FMNL2: variants seen among roughly 807,000 people sequenced by gnomAD.
The protein encoded by FMNL2 is formin-like protein 2.
Under a neutral mutation model 130.2 loss-of-function variants are expected in FMNL2, and 51 were observed. The ratio of observed to expected loss-of-function variants is 0.39; its 90% CI spans 0.31 to 0.49. The LOEUF (loss-of-function observed/expected upper bound fraction) is 0.49, where lower values mean the gene tolerates loss of function less well. Ranked by LOEUF, FMNL2 falls within the 20% of genes least tolerant of loss-of-function variation. FMNL2 has a pLI of 0.85. For missense variants in FMNL2, 977 were observed against 1,316.2 expected (o/e 0.74, Z 3.99); for synonymous variants, 465 against 467.1 (o/e 1.00, Z 0.06).
chr2:152,349,472 C>T (rs1478797869), intron 1 of FMNL2, among the ~76,000 whole-genome samples: 1 of 152,220 alleles, frequency 6.6e-6, no homozygotes, highest in African/African-American at 2.4e-5. Context: ...CTTCTTTCTA[C>T]TGCACTACAC....
At chr2:152,504,620 T>C (rs532431226) in intron 1 of FMNL2, among the ~76,000 whole-genome samples, 1 of 152,282 alleles carries the variant, frequency 6.6e-6, no homozygotes, top group African/African-American at 2.4e-5. Flanking sequence ...TTTTAATATA[T>C]TCATGCTCAA....
At chr2:152,624,608 T>TG (rs1483289564) in intron 15 of FMNL2, among the ~76,000 whole-genome samples, 1 of 151,834 alleles carries the variant, frequency 6.6e-6, no homozygotes, top group Non-Finnish European at 1.5e-5. Context: ...GGAGGCCGAG[T>TG]GGGGAAGCTC....
chr2:152,645,640 T>G, intron 25 of FMNL2: 1 of 530,480 alleles, frequency 1.9e-6, no homozygotes, highest in South Asian at 1.9e-5. Context: ...TTTTTGTACC[T>G]CACATTCCAA....
At chr2:152,497,513 A>G (rs1286823865) in intron 1 of FMNL2, among the ~76,000 whole-genome samples, 1 of 152,202 alleles carries the variant, frequency 6.6e-6, no homozygotes, top group Non-Finnish European at 1.5e-5. Flanking sequence ...ATACATGAAA[A>G]GTATGCTCAG....
At chr2:152,530,093 T>C (rs565709183) in intron 2 of FMNL2, among the ~76,000 whole-genome samples, 1 of 152,328 alleles carries the variant, frequency 6.6e-6, no homozygotes, top group Admixed American at 6.5e-5. Flanking sequence ...AATGACTTAA[T>C]TGCCTGAGCT....
chr2:152,399,380 C>T (rs1685564329), intron 1 of FMNL2, among the ~76,000 whole-genome samples: 1 of 152,160 alleles, frequency 6.6e-6, no homozygotes, highest in Admixed American at 6.5e-5. Context: ...CCCGGATGGT[C>T]TCTGCTGTGC....
chr2:152,590,015 A>G (rs1326694738), intron 9 of FMNL2, among the ~76,000 whole-genome samples: 1,462 of 133,066 alleles, frequency 0.011, 40 homozygotes, highest in African/African-American at 0.04. Context: ...ATATACATAT[A>G]CATATATATA....
At chr2:152,423,596 A>G (rs1687028410) in intron 1 of FMNL2, among the ~76,000 whole-genome samples, 2 of 152,208 alleles carry the variant, frequency 1.3e-5, no homozygotes, top group African/African-American at 2.4e-5. Flanking sequence ...ATAAGATCCG[A>G]TAAATCCATC....
At chr2:152,535,021 C>T (rs1693921857) in intron 2 of FMNL2, among the ~76,000 whole-genome samples, 1 of 152,128 alleles carries the variant, frequency 6.6e-6, no homozygotes, top group Admixed American at 6.5e-5. Flanking sequence ...CAGTCTAGCG[C>T]AGAAATGGCC....
At chr2:152,424,556 A>G (rs1031328090) in intron 1 of FMNL2, among the ~76,000 whole-genome samples, 10 of 151,992 alleles carry the variant, frequency 6.6e-5, no homozygotes, top group African/African-American at 2.4e-4. Context: ...ATGCGCGGCT[A>G]ATTTTTATAT....
Position 152,412,449 on chromosome 2 carries a change from TATATATATA to T in FMNL2, c.117+76730_117+76738del, listed in dbSNP as rs1686350815. ...CTCTTACTTTCTTCTGTATATTTTA[TATATATATA>T]TATATATATATATATATATATATAT... On this transcript the variant is annotated intron_variant, in intron 1 of 25. Coordinates refer to ENST00000288670, the MANE Select transcript of FMNL2 (RefSeq NM_052905.4). 4.4e-3 allele frequency among the ~76,000 whole-genome samples: 45 copies of T among 10,340 alleles called. 1 individual carries two copies. The highest frequency in any genetic ancestry group is 7.1e-3 in the South Asian group (3 of 420). The allele number at this position is 10,340 out of a possible 152,430, so 6.8% of individuals were successfully genotyped here.
intron 1 of FMNL2, among the ~76,000 whole-genome samples, chr2:152,501,014 C>T (rs903405056): frequency 3.3e-5 from 5 of 152,238 alleles, no homozygotes; most frequent in African/African-American, 9.6e-5. Flanking sequence ...CAAGGCAGGC[C>T]GGTGCTGTGA....
At chr2:152,473,347 G>T (rs770809825) in intron 1 of FMNL2, among the ~76,000 whole-genome samples, 1 of 152,040 alleles carries the variant, frequency 6.6e-6, no homozygotes, top group Non-Finnish European at 1.5e-5. Context: ...GGGATTACAC[G>T]CATGAGTTAC....
intron 1 of FMNL2, among the ~76,000 whole-genome samples, chr2:152,424,955 C>CA (rs1306291448): frequency 6.6e-6 from 1 of 152,196 alleles, no homozygotes; most frequent in Non-Finnish European, 1.5e-5. Context: ...GGCATTGATA[C>CA]AAGGGCGCTG....
At chr2:152,372,323 C>G (rs1683935372) in intron 1 of FMNL2, among the ~76,000 whole-genome samples, 1 of 152,122 alleles carries the variant, frequency 6.6e-6, no homozygotes, top group African/African-American at 2.4e-5. Context: ...TTTATGTTTC[C>G]TAATGTGTTG....
At chr2:152,502,516 G>A (rs1384513588) in intron 1 of FMNL2, among the ~76,000 whole-genome samples, 1 of 152,146 alleles carries the variant, frequency 6.6e-6, no homozygotes, top group African/African-American at 2.4e-5. Context: ...GTGAAACCAT[G>A]TCTCTACTAA....
At chr2:152,483,063 G>A (rs1260226150) in intron 1 of FMNL2, among the ~76,000 whole-genome samples, 1 of 152,040 alleles carries the variant, frequency 6.6e-6, no homozygotes, top group African/African-American at 2.4e-5. Context: ...AAATTTTTGT[G>A]TATCAGCTGT....
intron 1 of FMNL2, among the ~76,000 whole-genome samples, chr2:152,371,223 G>A (rs927648943): frequency 3.3e-5 from 5 of 152,184 alleles, no homozygotes; most frequent in Non-Finnish European, 5.9e-5. Context: ...TTTATCATGG[G>A]GGGACTGGAC....
intron 1 of FMNL2, chr2:152,390,636 C>A: frequency 1.1e-6 from 1 of 927,580 alleles, no homozygotes; most frequent in Non-Finnish European, 1.8e-6. Context: ...ATTCAACTAG[C>A]CCGTGCTTTT....
Sources: allele counts gnomAD v4.1 joint callset (sites outside exome capture counted in the v4.1 genomes callset), GRCh38; gene constraint gnomAD v4.1.1; transcripts MANE v1.5; gene names NCBI Gene and HGNC (gene_info 2026-07-23, HGNC 2026-07-21).